Variants in KCTD16 observed in about 807,000 individuals in gnomAD.
The protein encoded by KCTD16 is BTB/POZ domain-containing protein KCTD16.
A neutral mutation model predicts 33.2 loss-of-function variants in KCTD16; 13 were observed. The observed-to-expected ratio is 0.39, with a 90% CI of 0.25 to 0.62. The LOEUF is 0.62. Ranked by LOEUF, KCTD16 falls within the 20% of genes least tolerant of loss-of-function variation. The pLI is 0.50. For synonymous variants in KCTD16, 197 were observed against 195.3 expected (o/e 1.01, Z -0.07); for missense variants, 441 against 525.1 (o/e 0.84, Z 1.57).
intron 3 of KCTD16, among the ~76,000 whole-genome samples, chr5:144,286,114 GT>G (rs901896727): frequency 6.6e-6 from 1 of 151,230 alleles, no homozygotes. Flanking sequence ...GGATTTATTT[GT>G]TTTTTTCGCT....
intron 3 of KCTD16, among the ~76,000 whole-genome samples, chr5:144,447,985 G>A (rs186649282): frequency 2.3e-3 from 346 of 152,188 alleles, no homozygotes; most frequent in Middle Eastern, 0.017. Flanking sequence ...TGTAATTTCA[G>A]TGTTTAAGGA....
intron 2 of KCTD16, among the ~76,000 whole-genome samples, chr5:144,175,897 A>C (rs1212697036): frequency 6.6e-6 from 1 of 152,220 alleles, no homozygotes; most frequent in East Asian, 1.9e-4. Context: ...TTTAAAAGCT[A>C]TAAGGATTAG....
At chr5:144,304,819 C>T (rs780461939) in intron 3 of KCTD16, among the ~76,000 whole-genome samples, 1 of 152,146 alleles carries the variant, frequency 6.6e-6, no homozygotes, top group South Asian at 2.1e-4. Context: ...AGGTCTGTCA[C>T]TGTCTTGACT....
intron 3 of KCTD16, among the ~76,000 whole-genome samples, chr5:144,227,856 T>C (rs1753981937): frequency 6.6e-6 from 1 of 152,116 alleles, no homozygotes; most frequent in Non-Finnish European, 1.5e-5. Flanking sequence ...AAAAGAACAG[T>C]GTTGAGGATG....
In KCTD16 at chr5:144,207,448, T is replaced by C; in HGVS notation, c.734T>C (p.Phe245Ser). 6.2e-7 allele frequency: 1 copy of C among 1,614,192 alleles called. No individual in the cohort carries two copies. Among genetic ancestry groups the C allele is most frequent in the Non-Finnish European group, 8.5e-7 (1 of 1,180,042 alleles). ...RAFDMLSECG[F>S]HMVACNSSVT... The stretch of plus-strand genomic sequence containing the variant: ...TTTGATATGTTGTCAGAGTGTGGAT[T>C]CCACATGGTGGCCTGTAACTCATCG... Residue 245 changes from phenylalanine to serine, a missense_variant, in exon 3 of 4, where the codon TTC (phenylalanine) becomes TCC (serine). Physicochemically the swap from Phe to Ser is radical, Grantham distance 155. Coordinates refer to ENST00000512467, the MANE Select transcript of KCTD16 (RefSeq NM_020768.4).
intron 3 of KCTD16, among the ~76,000 whole-genome samples, chr5:144,265,038 A>G (rs1225776966): frequency 1.3e-5 from 2 of 152,176 alleles, no homozygotes; most frequent in African/African-American, 4.8e-5. Flanking sequence ...GCTGTTAGCA[A>G]TCTTAACTCT....
At chr5:144,247,960 G>A (rs1296449235) in intron 3 of KCTD16, among the ~76,000 whole-genome samples, 3 of 152,140 alleles carry the variant, frequency 2.0e-5, no homozygotes, top group African/African-American at 7.2e-5. Flanking sequence ...TGACTCTGAC[G>A]TTAGGAGGAG....
intron 3 of KCTD16, among the ~76,000 whole-genome samples, chr5:144,255,757 C>T (rs912976779): frequency 9.2e-5 from 14 of 152,150 alleles, no homozygotes; most frequent in Non-Finnish European, 1.5e-5. Flanking sequence ...GAAATTACTT[C>T]ACTTTGCTCC....
rs182346389 is a variant in KCTD16 at position 144,223,863 on chromosome 5, T to C, written c.832+16317T>C. 2.9e-3 allele frequency among the ~76,000 whole-genome samples: 438 copies of C among 152,168 alleles called. 1 individual carries two copies. Among genetic ancestry groups the C allele is most frequent in the Non-Finnish European group, 5.2e-3 (353 of 67,974 alleles). On this transcript the variant is annotated intron_variant, in intron 3 of 3. Coordinates refer to ENST00000512467, the MANE Select transcript of KCTD16 (RefSeq NM_020768.4). ...GGATTGAAGTGAGAATTAGGTAAGG[T>C]GTTCCTCCTTGTTCCCCATTTCTTC...
At chr5:144,277,549 C>T (rs1367811199) in intron 3 of KCTD16, among the ~76,000 whole-genome samples, 1 of 152,194 alleles carries the variant, frequency 6.6e-6, no homozygotes, top group South Asian at 2.1e-4. Context: ...GTATATCCTG[C>T]CCAAATCACT....
intron 3 of KCTD16, among the ~76,000 whole-genome samples, chr5:144,292,803 C>G (rs1755929710): frequency 6.6e-6 from 1 of 152,122 alleles, no homozygotes; most frequent in South Asian, 2.1e-4. Context: ...CAAGAGCAAC[C>G]AGTGATCTTT....
intron 3 of KCTD16, among the ~76,000 whole-genome samples, chr5:144,472,912 G>C (rs927956120): frequency 1.3e-5 from 2 of 152,174 alleles, no homozygotes; most frequent in African/African-American, 4.8e-5. Flanking sequence ...ATGGTTAATT[G>C]GCATGGTTAT....
rs149529071 is a variant in KCTD16 at position 144,191,077 on chromosome 5, T to G, written c.-326-15312T>G. On this transcript the variant is annotated intron_variant, in intron 2 of 3. Transcript: ENST00000512467. The stretch of plus-strand genomic sequence containing the variant: ...CAGCTTTTATCTTTATTTCCCTTTC[T>G]TTCATGGCTGGGGGATAGAGGGAAA... 2.2e-4 allele frequency among the ~76,000 whole-genome samples: 34 copies of G among 152,358 alleles called. No individual in the cohort carries two copies. The East Asian group carries it at 6.4e-3, about 29-fold the overall frequency.
chr5:144,421,423 A>G (rs1476462059), intron 3 of KCTD16, among the ~76,000 whole-genome samples: 1 of 152,122 alleles, frequency 6.6e-6, no homozygotes, highest in East Asian at 1.9e-4. Context: ...GTTGATTTAT[A>G]AAGGAGACTG....
At chr5:144,299,369 C>T (rs1434222053) in intron 3 of KCTD16, among the ~76,000 whole-genome samples, 1 of 151,204 alleles carries the variant, frequency 6.6e-6, no homozygotes, top group Non-Finnish European at 1.5e-5. Flanking sequence ...CAACTTACGA[C>T]ATAGACAAAA....
intron 2 of KCTD16, among the ~76,000 whole-genome samples, chr5:144,188,696 A>G (rs969905936): frequency 6.6e-6 from 1 of 152,352 alleles, no homozygotes; most frequent in Non-Finnish European, 1.5e-5. Flanking sequence ...ATGAAGAGAA[A>G]TGTATCAACA....
intron 3 of KCTD16, among the ~76,000 whole-genome samples, chr5:144,439,797 C>T (rs1350776554): frequency 3.3e-5 from 5 of 151,988 alleles, no homozygotes; most frequent in African/African-American, 9.7e-5. Flanking sequence ...TTACAGGTAT[C>T]GTGTAAACTT....
chr5:144,338,253 C>T (rs1385739312), intron 3 of KCTD16, among the ~76,000 whole-genome samples: 2 of 152,112 alleles, frequency 1.3e-5, no homozygotes, highest in Admixed American at 6.6e-5. Context: ...CCTCCAGAGG[C>T]ATTGATTTGG....
At chr5:144,368,078 G>A (rs1751879070) in intron 3 of KCTD16, among the ~76,000 whole-genome samples, 1 of 151,988 alleles carries the variant, frequency 6.6e-6, no homozygotes, top group Non-Finnish European at 1.5e-5. Context: ...TCAGCAGTCA[G>A]CGTAAGTAAG....
Sources: allele counts gnomAD v4.1 joint callset (sites outside exome capture counted in the v4.1 genomes callset), GRCh38; gene constraint gnomAD v4.1.1; transcripts MANE v1.5; gene names NCBI Gene and HGNC (gene_info 2026-07-23, HGNC 2026-07-21).